ADORA2A: variants seen among roughly 807,000 people sequenced by gnomAD.
ADORA2A encodes the protein adenosine A2a receptor.
ADORA2A carries 11 observed loss-of-function variants against 18.4 expected under a neutral mutation model. The ratio of observed to expected loss-of-function variants is 0.60; its 90% confidence interval spans 0.38 to 0.99. The LOEUF (loss-of-function observed/expected upper bound fraction) is 0.99, where lower values mean the gene tolerates loss of function less well. Among genes scored for constraint, ADORA2A ranks in the 50% least tolerant of loss-of-function variants. The pLI is 0.01. For missense variants in ADORA2A, 449 were observed against 556.1 expected, an observed-to-expected ratio of 0.81 and a Z score of 1.94; for synonymous variants, 218 against 237.3, an observed-to-expected ratio of 0.92 and a Z score of 0.75.
At chr22:24,433,965 C>T (rs574024384) in intron 2 of ADORA2A, among the ~76,000 whole-genome samples, 6 of 152,348 alleles carry the variant, frequency 3.9e-5, no homozygotes, top group African/African-American at 7.2e-5. Flanking sequence ...CCCTCCCAGG[C>T]GGCCTGGGTT....
Position 24,441,371 on chromosome 22 carries a change from C to T in ADORA2A, c.1121C>T (p.Ser374Phe), listed in dbSNP as rs764564731. ...GLVSGGSAQE[S>F]QGNTGLPDVE... is the part of the protein sequence containing the mutation. ...GTGAGTGGAGGGAGTGCCCAAGAGT[C>T]CCAGGGGAACACGGGCCTCCCAGAC... Residue 374 changes from serine (S) to phenylalanine (F), a missense_variant, in exon 3 of 3, where the codon TCC becomes TTC. Coordinates refer to ENST00000337539, the MANE Select transcript of ADORA2A (RefSeq NM_000675.6). The T allele has an allele frequency of 1.3e-6, 2 of 1,580,234 alleles. No homozygotes were observed. The highest frequency in any genetic ancestry group is 1.7e-6 in the Non-Finnish European group (2 of 1,163,136).
At position 24,440,679 on chromosome 22, in the gene ADORA2A, G is replaced by A; in HGVS notation, c.429G>A (p.Trp143Ter). Residue 143 changes from tryptophan to a stop codon, truncating the protein, a stop_gained, in exon 3 of 3, where the codon TGG becomes TGA. Transcript: ENST00000337539. LOFTEE classifies it high-confidence loss of function. ...TCGGCCTGACTCCCATGCTAGGTTGGAACAACTGCGGTCAGCCAAAGGAGG... is the reference window on the plus strand; with the variant it reads ...TCGGCCTGACTCCCATGCTAGGTTGAAACAACTGCGGTCAGCCAAAGGAGG... ...FAIGLTPMLG[W>*]NNCGQPKEGK... 6.2e-7 allele frequency: 1 copy of A among 1,613,400 alleles called. No homozygotes were observed.
At chr22:24,439,034 G>GCTCCGCAGTTAAGTA (rs1377265193) in intron 2 of ADORA2A, among the ~76,000 whole-genome samples, 1 of 141,204 alleles carries the variant, frequency 7.1e-6, no homozygotes. Flanking sequence ...GATGTTCCCA[G>GCTCCGCAGTTAAGTA]CTCCGCAGTT....
At chr22:24,438,956 C>G (rs2043252759) in intron 2 of ADORA2A, among the ~76,000 whole-genome samples, 1 of 152,024 alleles carries the variant, frequency 6.6e-6, no homozygotes, top group Admixed American at 6.6e-5. Flanking sequence ...AAACGCCCCA[C>G]CAGCTGCCTC....
chr22:24,428,700 T>C (rs1237581630), intron 1 of ADORA2A, among the ~76,000 whole-genome samples: 2 of 152,212 alleles, frequency 1.3e-5, no homozygotes, highest in East Asian at 1.9e-4. Flanking sequence ...ATATACCTCT[T>C]GCGCTTTGAA....
upstream of ADORA2A, among the ~76,000 whole-genome samples, chr22:24,426,334 G>A (rs1191917805): frequency 6.6e-6 from 1 of 152,232 alleles, no homozygotes; most frequent in Non-Finnish European, 1.5e-5. Flanking sequence ...GCAGAGGAAG[G>A]ACAGACAGAA....
upstream of ADORA2A, among the ~76,000 whole-genome samples, chr22:24,426,639 T>C (rs1488825922): frequency 2.0e-5 from 3 of 151,856 alleles, no homozygotes; most frequent in Non-Finnish European, 4.4e-5. Context: ...CTCTGGGTGG[T>C]GGGAAGAGGC....
rs2043329529 is a variant in ADORA2A at position 24,441,148 on chromosome 22, C to T, written c.898C>T (p.Arg300Cys). 6 of 1,614,206 alleles carry T rather than the reference C, an allele frequency of 3.7e-6. No individual in the cohort carries two copies. The highest frequency in any genetic ancestry group is 2.2e-5 in the East Asian group (1 of 44,894). Residue 300 changes from arginine to cysteine, a missense_variant, in exon 3 of 3, where the codon CGC becomes TGC. Coordinates refer to ENST00000337539, the MANE Select transcript of ADORA2A (RefSeq NM_000675.6). ...YRIREFRQTF[R>C]KIIRSHVLRQ... ...TATCCGCGAGTTCCGCCAGACCTTC[C>T]GCAAGATCATTCGCAGCCACGTCCT...
At chr22:24,430,813 C>T (rs8142326) in intron 1 of ADORA2A, 10,867 of 333,346 alleles carry the variant, frequency 0.033, 254 homozygotes, top group Non-Finnish European at 0.048. Flanking sequence ...AATGCAGATG[C>T]CCTAGAGAGG....
intron 2 of ADORA2A, among the ~76,000 whole-genome samples, chr22:24,437,661 GCCATGTTAA>G (rs564101286): frequency 6.8e-4 from 103 of 152,346 alleles, no homozygotes; most frequent in African/African-American, 2.4e-3. Flanking sequence ...TGCCTGCAAG[GCCATGTTAA>G]GAATCCTTCC....
At chr22:24,425,812 C>T (rs1248421545), upstream of ADORA2A, among the ~76,000 whole-genome samples, 3 of 152,244 alleles carry the variant, frequency 2.0e-5, no homozygotes, top group Non-Finnish European at 4.4e-5. Context: ...CCTCCTCGAC[C>T]CACTCGCTGA....
intron 2 of ADORA2A, among the ~76,000 whole-genome samples, chr22:24,440,169 T>C (rs2043299699): frequency 6.6e-6 from 1 of 152,164 alleles, no homozygotes; most frequent in Non-Finnish European, 1.5e-5. Flanking sequence ...TGACTGATCT[T>C]GGTTAAGGCT....
At chr22:24,438,945 T>C (rs2043252340) in intron 2 of ADORA2A, among the ~76,000 whole-genome samples, 1 of 152,002 alleles carries the variant, frequency 6.6e-6, no homozygotes, top group African/African-American at 2.4e-5. Flanking sequence ...GAAGACCAGG[T>C]AAACGCCCCA....
intron 2 of ADORA2A, among the ~76,000 whole-genome samples, chr22:24,439,072 C>CTTTTTTTTTTTTTTTTTTTTTTTTTTT (rs3032740): frequency 1.4e-5 from 1 of 73,094 alleles, no homozygotes; most frequent in Non-Finnish European, 2.7e-5. Context: ...CCCCTTGCAC[C>CTTTTTTTTTTTTTTTTTTTTTTTTTTT]TTTTTTTTTT....
upstream of ADORA2A, among the ~76,000 whole-genome samples, chr22:24,427,362 C>G (rs2042929424): frequency 6.6e-6 from 1 of 152,162 alleles, no homozygotes; most frequent in African/African-American, 2.4e-5. Context: ...TTGCAGCCAC[C>G]CTGGGGCATT....
upstream of ADORA2A, chr22:24,424,061 G>A (rs1374501622): frequency 6.6e-6 from 1 of 152,644 alleles, no homozygotes; most frequent in African/African-American, 2.4e-5. This position sits in a 1 kb window ranked among gnomAD's most constrained non-coding sequence, Gnocchi z 4.9. Context: ...TGGGGCCGTC[G>A]GGGGTGCGGG....
chr22:24,426,608 C>T (rs2042921158), upstream of ADORA2A, among the ~76,000 whole-genome samples: 1 of 152,110 alleles, frequency 6.6e-6, no homozygotes, highest in Non-Finnish European at 1.5e-5. Context: ...CAACTGCCCA[C>T]ATCCTGTGCA....
intron 2 of ADORA2A, among the ~76,000 whole-genome samples, chr22:24,436,016 G>T (rs542875222): frequency 6.6e-6 from 1 of 152,164 alleles, no homozygotes; most frequent in African/African-American, 2.4e-5. Flanking sequence ...GTGGCCAGGC[G>T]GATGTTCTGA....
rs549073133 is a variant in ADORA2A, at chr22:24,435,524, G to A, written c.332+1788G>A. On this transcript the variant is annotated intron_variant, in intron 2 of 2. Coordinates refer to ENST00000337539, the MANE Select transcript of ADORA2A (RefSeq NM_000675.6). Reference sequence around the variant, plus strand: ...CTCTCCCTTTCCTTCTCTGTTTTCTGAGAGTTGAGAGAATGACTCCCTATG... The same window carrying A: ...CTCTCCCTTTCCTTCTCTGTTTTCTAAGAGTTGAGAGAATGACTCCCTATG... 7.2e-5 allele frequency among the ~76,000 whole-genome samples: 11 copies of A among 152,314 alleles called. No individual in the cohort carries two copies. The East Asian group carries it at 1.9e-3, about 27-fold the overall frequency.
Sources: allele counts gnomAD v4.1 joint callset (sites outside exome capture counted in the v4.1 genomes callset), GRCh38; gene constraint gnomAD v4.1.1; non-coding constraint Gnocchi (gnomAD v3.1); transcripts MANE v1.5; gene names NCBI Gene and HGNC (gene_info 2026-07-23, HGNC 2026-07-21).